Variants in PCDHGA6 observed in about 807,000 individuals in gnomAD.
PCDHGA6 encodes protocadherin gamma subfamily A, 6, also known as protocadherin gamma-A6.
In PCDHGA6, 41 loss-of-function variants were observed where a neutral mutation model predicts 60.6. The ratio of observed to expected loss-of-function variants is 0.68; its 90% confidence interval spans 0.53 to 0.88. The LOEUF (loss-of-function observed/expected upper bound fraction) is 0.88, where lower values mean the gene tolerates loss of function less well. PCDHGA6 is among the 40% of genes least tolerant of loss of function. The probability of loss-of-function intolerance (pLI) is 0.00; values close to 1 mark genes in which losing one functional copy is unlikely to be tolerated. For missense variants in PCDHGA6, 1,312 were observed against 1,203.0 expected (o/e 1.09, Z -1.34); for synonymous variants, 594 against 524.4 (o/e 1.13, Z -1.81).
rs1206206519 is a variant in PCDHGA6 at position 141,432,127 on chromosome 5, C to G, written c.2424+55620C>G. ...ACCCGCCGGTCTTCCCTCAGGCCTC[C>G]TATTCCGCTTATATCCCAGAGAACA... On this transcript the variant is annotated intron_variant, in intron 1 of 3. Coordinates refer to ENST00000517434, the MANE Select transcript of PCDHGA6 (RefSeq NM_018919.3). The surrounding 1 kb of genome is among the most constrained non-coding windows in gnomAD (Gnocchi z 6.0). The G allele has an allele frequency of 6.8e-6, 11 of 1,614,160 alleles. No homozygotes were observed. The highest frequency in any genetic ancestry group is 8.5e-6 in the Non-Finnish European group (10 of 1,180,032).
At chr5:141,504,134 A>G (rs73280371) in intron 2 of PCDHGA6, among the ~76,000 whole-genome samples, 139 of 152,168 alleles carry the variant, frequency 9.1e-4, no homozygotes, top group African/African-American at 3.1e-3. Flanking sequence ...TCCCGCCAAC[A>G]CTCCCCTGCA....
intron 1 of PCDHGA6, among the ~76,000 whole-genome samples, chr5:141,461,253 C>A (rs1358900194): frequency 6.6e-6 from 1 of 152,108 alleles, no homozygotes; most frequent in Non-Finnish European, 1.5e-5. Flanking sequence ...ATATTCCCAG[C>A]AGCAATGTGT....
intron 1 of PCDHGA6, among the ~76,000 whole-genome samples, chr5:141,448,706 C>T (rs1344013319): frequency 1.3e-5 from 2 of 151,730 alleles, no homozygotes; most frequent in African/African-American, 2.4e-5. Flanking sequence ...TTTGGGAGGC[C>T]GAGGCGGGAG....
chr5:141,481,085 A>T (rs1200522212), intron 1 of PCDHGA6, among the ~76,000 whole-genome samples: 1 of 152,192 alleles, frequency 6.6e-6, no homozygotes, highest in African/African-American at 2.4e-5. Flanking sequence ...AAGAAAAAAG[A>T]AAAGCAGTAC....
intron 1 of PCDHGA6, among the ~76,000 whole-genome samples, chr5:141,468,962 C>T (rs2099187487): frequency 6.7e-6 from 1 of 148,782 alleles, no homozygotes; most frequent in Non-Finnish European, 1.5e-5. Context: ...GTTTTTTTTA[C>T]CTTAGGCTTT....
At chr5:141,408,608 A>C in intron 1 of PCDHGA6, 1 of 1,614,072 alleles carries the variant, frequency 6.2e-7, no homozygotes, top group South Asian at 1.1e-5. Context: ...ATTTGATAAA[A>C]AGGAAATACA....
chr5:141,487,512 C>T lies in PCDHGA6; in HGVS notation c.2425-7295C>T, dbSNP rs372606253. The stretch of plus-strand genomic sequence containing the variant: ...TGTACACCCTTGGCTTCTGCACCCA[C>T]TCGGAGTGATAGCTTCATGATGGTG... On this transcript the variant is annotated intron_variant, in intron 1 of 3. Transcript: ENST00000517434. This position sits in a 1 kb window ranked among gnomAD's most constrained non-coding sequence, Gnocchi z 5.0. 3.7e-6 allele frequency: 6 copies of T among 1,614,082 alleles called. No homozygotes were observed. The highest frequency in any genetic ancestry group is 5.1e-6 in the Non-Finnish European group (6 of 1,180,044).
At chr5:141,410,764 A>G (rs1288407043) in intron 1 of PCDHGA6, 2 of 1,105,068 alleles carry the variant, frequency 1.8e-6, no homozygotes, top group African/African-American at 1.6e-5. Context: ...TTTTTCAATT[A>G]TAGTTTTCAC....
intron 1 of PCDHGA6, among the ~76,000 whole-genome samples, chr5:141,443,122 A>C (rs1239492679): frequency 6.6e-6 from 1 of 152,138 alleles, no homozygotes; most frequent in East Asian, 1.9e-4. Flanking sequence ...TTCAAACCAG[A>C]TTAAGAACAC....
Position 141,393,140 on chromosome 5 carries a change from G to A in PCDHGA6, c.2424+16633G>A, listed in dbSNP as rs756948310. The A allele has an allele frequency of 1.9e-6, 3 of 1,613,260 alleles. No individual in the cohort carries two copies. In the South Asian group the frequency reaches 3.3e-5, roughly 18 times the overall value. ...GGTGTCTGATAAATATTAACACCCT[G>A]GTTGAGGATAAAGGAAAACTCTTTG... On this transcript the variant is annotated intron_variant, in intron 1 of 3. Coordinates refer to ENST00000517434, the MANE Select transcript of PCDHGA6 (RefSeq NM_018919.3).
In PCDHGA6 at chr5:141,462,551, G is replaced by C. The variant is rs57555347; in HGVS notation, c.2425-32256G>C. 8.3e-3 allele frequency among the ~76,000 whole-genome samples: 1,259 copies of C among 151,854 alleles called. 17 individuals carry two copies. The highest frequency in any genetic ancestry group is 0.029 in the African/African-American group (1,196 of 41,422). ...TTGTTCAGTGATCTTTTCTTCTTCA[G>C]TGTTTACTGTATTTGCTAATCCCAT... On this transcript the variant is annotated intron_variant, in intron 1 of 3. Transcript: ENST00000517434.
chr5:141,494,688 A>T (rs2099756168), intron 1 of PCDHGA6, 119 bp from the exon 2 acceptor site: 1 of 1,576,254 alleles, frequency 6.3e-7, no homozygotes, highest in Non-Finnish European at 8.6e-7. Context: ...GCCCCCTCTT[A>T]GTCCGTTTTC....
At chr5:141,497,079 C>T (rs564690352) in intron 2 of PCDHGA6, among the ~76,000 whole-genome samples, 2 of 151,982 alleles carry the variant, frequency 1.3e-5, no homozygotes, top group African/African-American at 4.8e-5. Flanking sequence ...ATCCCAGCGA[C>T]TTAGGAGGCT....
In PCDHGA6 at chr5:141,476,776, G is replaced by A. The variant is rs764674164; in HGVS notation, c.2425-18031G>A. 9.3e-6 allele frequency: 15 copies of A among 1,612,744 alleles called. No homozygotes were observed. The highest frequency in any genetic ancestry group is 1.3e-5 in the Non-Finnish European group (15 of 1,179,218). On this transcript the variant is annotated intron_variant, in intron 1 of 3. Coordinates refer to ENST00000517434, the MANE Select transcript of PCDHGA6 (RefSeq NM_018919.3). This position sits in a 1 kb window ranked among gnomAD's most constrained non-coding sequence, Gnocchi z 7.6. ...TAGTGCTGACGGCGTTGGACGGAGG[G>A]ACCCCAGCTCTCTCCGCCAGCCTGC...
At chr5:141,422,296 A>T (rs200545713) in intron 1 of PCDHGA6, 6 of 1,550,706 alleles carry the variant, frequency 3.9e-6, no homozygotes, top group Non-Finnish European at 4.3e-6. Context: ...TATTAATTCA[A>T]TTCTGGAAAA....
rs1562137828 is a variant in PCDHGA6 at position 141,490,359 on chromosome 5, T to C, written c.2425-4448T>C. On this transcript the variant is annotated intron_variant, in intron 1 of 3. Transcript: ENST00000517434. This position sits in a 1 kb window ranked among gnomAD's most constrained non-coding sequence, Gnocchi z 5.4. ...TGGGCACAGTAGTGGGGTTGTTTAA[T>C]GTGCGAGACCGGGACTCAGGTAGAA... The C allele has an allele frequency of 1.9e-6, 3 of 1,614,212 alleles. No individual in the cohort carries two copies. The highest frequency in any genetic ancestry group is 2.5e-6 in the Non-Finnish European group (3 of 1,180,036).
chr5:141,437,762 A>G (rs1286042187), intron 1 of PCDHGA6, among the ~76,000 whole-genome samples: 1 of 149,476 alleles, frequency 6.7e-6, no homozygotes, highest in African/African-American at 2.5e-5. Context: ...TTTTTGAGAC[A>G]GAGTCTCAAT....
Position 141,432,880 on chromosome 5 carries a change from C to T in PCDHGA6, c.2424+56373C>T, listed in dbSNP as rs865848752. ...CGGTCTCCTGCGTCTTCCTGGCCTT[C>T]GTCATCTTGCTGCTGGCGCTCAGGC... On this transcript the variant is annotated intron_variant, in intron 1 of 3. Transcript: ENST00000517434. The surrounding 1 kb of genome is among the most constrained non-coding windows in gnomAD (Gnocchi z 6.0). 1 of 1,614,194 alleles carries T rather than the reference C, an allele frequency of 6.2e-7. No individual in the cohort carries two copies. Among genetic ancestry groups the T allele is most frequent in the Non-Finnish European group, 8.5e-7 (1 of 1,180,008 alleles).
chr5:141,382,603 T>C, intron 1 of PCDHGA6: 1 of 269,778 alleles, frequency 3.7e-6, no homozygotes, highest in Non-Finnish European at 6.9e-6. Flanking sequence ...AACAATTTTC[T>C]ATGAAATCAG....
Sources: gnomAD v4.1 joint callset for allele counts (sites outside exome capture counted in the v4.1 genomes callset) on GRCh38, gnomAD v4.1.1 for gene constraint, Gnocchi (gnomAD v3.1) non-coding constraint, MANE v1.5 for transcripts, NCBI Gene and HGNC (gene_info 2026-07-23, HGNC 2026-07-21) for gene names.